RGS7: variants seen among roughly 807,000 people sequenced by gnomAD.
RGS7 encodes the protein regulator of G-protein signaling 7.
A neutral mutation model predicts 81.1 loss-of-function variants in RGS7; 27 were observed. The ratio of observed to expected loss-of-function variants is 0.33; its 90% CI spans 0.25 to 0.46. The LOEUF (loss-of-function observed/expected upper bound fraction) is 0.46, where lower values mean the gene tolerates loss of function less well. Among genes scored for constraint, RGS7 ranks in the 20% least tolerant of loss-of-function variants. RGS7 has a pLI of 1.00. For missense variants in RGS7, 396 were observed against 607.4 expected (o/e 0.65, Z 3.66); for synonymous variants, 208 against 207.7 (o/e 1.00, Z -0.01).
chr1:240,809,496 G>T (rs1228174715), intron 14 of RGS7, among the ~76,000 whole-genome samples: 1 of 152,188 alleles, frequency 6.6e-6, no homozygotes, highest in African/African-American at 2.4e-5. Flanking sequence ...GTAGGGCTCA[G>T]ATTTGGGGAG....
At chr1:240,824,908 C>T (rs1456670653) in intron 10 of RGS7, among the ~76,000 whole-genome samples, 3 of 152,028 alleles carry the variant, frequency 2.0e-5, no homozygotes, top group Non-Finnish European at 4.4e-5. Context: ...ACAGGAAAAG[C>T]CACTGAGGAC....
intron 18 of RGS7, among the ~76,000 whole-genome samples, chr1:240,784,592 A>G (rs986558480): frequency 3.3e-5 from 5 of 151,434 alleles, no homozygotes; most frequent in Admixed American, 6.6e-5. Context: ...CTTGCAGTGA[A>G]CCAAGATTGC....
At chr1:241,090,386 G>C (rs1307028848) in intron 3 of RGS7, among the ~76,000 whole-genome samples, 2 of 152,138 alleles carry the variant, frequency 1.3e-5, no homozygotes, top group African/African-American at 2.4e-5. Context: ...AAGGGGCTGA[G>C]GGTAAGACAA....
At chr1:241,003,578 G>A (rs1456147963) in intron 3 of RGS7, among the ~76,000 whole-genome samples, 1 of 152,014 alleles carries the variant, frequency 6.6e-6, no homozygotes, top group African/African-American at 2.4e-5. Flanking sequence ...TGGTTGGGAA[G>A]GATAATGGAA....
intron 2 of RGS7, among the ~76,000 whole-genome samples, chr1:241,302,676 A>G (rs2079844157): frequency 6.6e-6 from 1 of 152,234 alleles, no homozygotes; most frequent in South Asian, 2.1e-4. Flanking sequence ...ACATGAGCAA[A>G]GTAGAGAAAA....
chr1:241,200,969 T>C (rs1448201671), intron 2 of RGS7, among the ~76,000 whole-genome samples: 2 of 152,210 alleles, frequency 1.3e-5, no homozygotes, highest in African/African-American at 2.4e-5. Flanking sequence ...CCTGCTGATA[T>C]CTTCAAGTCC....
chr1:240,904,375 A>G (rs1395884083), intron 6 of RGS7, among the ~76,000 whole-genome samples: 1 of 152,222 alleles, frequency 6.6e-6, no homozygotes, highest in African/African-American at 2.4e-5. Flanking sequence ...CTCATCTTCA[A>G]CACACACATA....
At chr1:241,131,698 T>C (rs4592252) in intron 2 of RGS7, among the ~76,000 whole-genome samples, 32,473 of 152,192 alleles carry the variant, frequency 0.21, 3,533 homozygotes, top group African/African-American at 0.23. Flanking sequence ...CACTGTCCTC[T>C]TTCCTTTTTA....
intron 3 of RGS7, among the ~76,000 whole-genome samples, chr1:241,087,972 C>CTATATA (rs1348702577): frequency 3.3e-5 from 3 of 90,554 alleles, no homozygotes; most frequent in African/African-American, 1.4e-4. Flanking sequence ...CTCTCTCTCT[C>CTATATA]TCTCTATATA....
intron 4 of RGS7, among the ~76,000 whole-genome samples, chr1:240,966,458 G>C (rs1014084983): frequency 1.5e-4 from 23 of 151,952 alleles, no homozygotes; most frequent in African/African-American, 5.6e-4. Context: ...TTCTCTTTAT[G>C]ATTTGTACGA....
At chr1:241,047,733 CT>C (rs34738551) in intron 3 of RGS7, among the ~76,000 whole-genome samples, 1,904 of 89,512 alleles carry the variant, frequency 0.021, 2 homozygotes, top group African/African-American at 0.035. Context: ...GTTTACAATC[CT>C]TTTTTTTTTT....
chr1:241,032,969 A>AT (rs60787156), intron 3 of RGS7, among the ~76,000 whole-genome samples: 44,224 of 151,692 alleles, frequency 0.29, 6,946 homozygotes, highest in Middle Eastern at 0.36. Flanking sequence ...GATGCGTTTT[A>AT]TTTTTTTTCT....
intron 3 of RGS7, among the ~76,000 whole-genome samples, chr1:241,090,886 G>T (rs1259490686): frequency 6.6e-6 from 1 of 152,198 alleles, no homozygotes; most frequent in Non-Finnish European, 1.5e-5. Flanking sequence ...GGAGATGAAT[G>T]TAAGAGTCCC....
At chr1:240,874,946 G>A (rs977146834) in intron 6 of RGS7, among the ~76,000 whole-genome samples, 4 of 152,112 alleles carry the variant, frequency 2.6e-5, no homozygotes, top group Non-Finnish European at 5.9e-5. Context: ...GGAGGCTGAG[G>A]CAGGAGAATT....
intron 6 of RGS7, among the ~76,000 whole-genome samples, chr1:240,881,797 CTG>C (rs1280889868): frequency 6.6e-6 from 1 of 151,986 alleles, no homozygotes; most frequent in African/African-American, 2.4e-5. Flanking sequence ...GTAATAAAGA[CTG>C]TGTTGTCATA....
intron 9 of RGS7, among the ~76,000 whole-genome samples, chr1:240,861,016 A>G (rs1359519825): frequency 6.6e-6 from 1 of 152,150 alleles, no homozygotes. Context: ...TTTTGCATTA[A>G]GTTGTATGCT....
intron 3 of RGS7, among the ~76,000 whole-genome samples, chr1:241,091,594 T>TAAATAAAG (rs769662958): frequency 7.4e-6 from 1 of 135,390 alleles, no homozygotes; most frequent in African/African-American, 2.8e-5. Flanking sequence ...AATAAATAAA[T>TAAATAAAG]AAAAAAGCTG....
chr1:240,933,029 G>T (rs1236414852), intron 5 of RGS7, among the ~76,000 whole-genome samples: 3 of 148,530 alleles, frequency 2.0e-5, no homozygotes, highest in African/African-American at 7.5e-5. Context: ...GACTACAGGC[G>T]CCCGCACCAC....
intron 2 of RGS7, among the ~76,000 whole-genome samples, chr1:241,224,019 T>G (rs182796654): frequency 6.8e-6 from 1 of 147,542 alleles, no homozygotes; most frequent in Non-Finnish European, 1.5e-5. Flanking sequence ...AAAAAAAAAG[T>G]GTTTTATAAA....
Sources: allele counts gnomAD v4.1 joint callset (sites outside exome capture counted in the v4.1 genomes callset), GRCh38; gene constraint gnomAD v4.1.1; transcripts MANE v1.5; gene names NCBI Gene and HGNC (gene_info 2026-07-23, HGNC 2026-07-21).